Variants in SCFD1 observed in about 807,000 individuals in gnomAD.
The protein encoded by SCFD1 is sec1 family domain containing 1.
A neutral mutation model predicts 103.2 loss-of-function variants in SCFD1; 37 were observed. That is an observed-to-expected ratio of 0.36 (90% CI 0.28 to 0.47). The LOEUF is 0.47. Among genes scored for constraint, SCFD1 ranks in the 20% least tolerant of loss-of-function variants. The pLI is 1.00. For synonymous variants in SCFD1, 264 were observed against 245.0 expected (o/e 1.08, Z -0.73); for missense variants, 639 against 761.2 (o/e 0.84, Z 1.89).
At position 30,734,990 on chromosome 14, in the gene SCFD1, T is replaced by C. The variant is rs1331635659; in HGVS notation, c.1905+132T>C. 4 of 644,972 alleles carry C rather than the reference T, an allele frequency of 6.2e-6. No homozygotes were observed. The African/African-American group carries it at 7.3e-5, about 12-fold the overall frequency. 40.0% of individuals were successfully genotyped at this position (644,972 alleles called of 1,614,324 possible). Reference sequence around the variant, plus strand: ...CCAAAGCCATCCAGCTATACCAAGATAAGGTGTTTTCATGGACGACTAAGA... The same window carrying C: ...CCAAAGCCATCCAGCTATACCAAGACAAGGTGTTTTCATGGACGACTAAGA... On this transcript the variant is annotated intron_variant, in intron 24 of 24. Coordinates refer to ENST00000458591, the MANE Select transcript of SCFD1 (RefSeq NM_016106.4).
chr14:30,674,041 G>A, intron 13 of SCFD1, 44 bp downstream of exon 13: 3 of 1,458,826 alleles, frequency 2.1e-6, no homozygotes, highest in Admixed American at 3.9e-5. Context: ...CTGTTGATAG[G>A]ATTTTTTTTT....
At chr14:30,627,697 C>G (rs1472823694) in intron 1 of SCFD1, among the ~76,000 whole-genome samples, 1 of 145,500 alleles carries the variant, frequency 6.9e-6, no homozygotes, top group Non-Finnish European at 1.5e-5. Flanking sequence ...GAGCCGAGAT[C>G]ACGCCATTGC....
chr14:30,678,936 T>C (rs1307996124), intron 14 of SCFD1, among the ~76,000 whole-genome samples: 2 of 152,244 alleles, frequency 1.3e-5, no homozygotes, highest in African/African-American at 4.8e-5. Flanking sequence ...TAGGTGATGA[T>C]GTCTGTACTC....
chr14:30,633,292 A>C (rs571358332), intron 3 of SCFD1, among the ~76,000 whole-genome samples: 7 of 152,280 alleles, frequency 4.6e-5, no homozygotes, highest in Non-Finnish European at 1.0e-4. Context: ...TCATATAAGC[A>C]TGGTTTGATG....
At chr14:30,650,048 G>A (rs1886250072) in intron 8 of SCFD1, among the ~76,000 whole-genome samples, 1 of 152,102 alleles carries the variant, frequency 6.6e-6, no homozygotes. Context: ...AATGAGTAAG[G>A]GATTAGAGAA....
intron 1 of SCFD1, among the ~76,000 whole-genome samples, chr14:30,626,027 G>T (rs1460070139): frequency 1.3e-5 from 2 of 152,120 alleles, no homozygotes; most frequent in Non-Finnish European, 2.9e-5. Flanking sequence ...TGCCAGGGTG[G>T]TGGTGTCTTT....
chr14:30,675,371 C>T (rs978688654), intron 14 of SCFD1: 3 of 191,294 alleles, frequency 1.6e-5, no homozygotes, highest in Non-Finnish European at 3.2e-5. Flanking sequence ...ACTTGTATCT[C>T]AGCATCAGTA....
At chr14:30,642,164 T>C (rs938653944) in intron 6 of SCFD1, among the ~76,000 whole-genome samples, 2 of 152,144 alleles carry the variant, frequency 1.3e-5, no homozygotes, top group Admixed American at 1.3e-4. Context: ...CTCAGCTCAC[T>C]GCAACCTCTG....
chr14:30,630,773 T>G lies in SCFD1; in HGVS notation c.221+208T>G, dbSNP rs575200204. 6 of 495,028 alleles carry G rather than the reference T, an allele frequency of 1.2e-5. No homozygotes were observed. The South Asian group carries it at 1.5e-4, about 13-fold the overall frequency. 30.7% of individuals were successfully genotyped at this position (495,028 alleles called of 1,614,324 possible). On this transcript the variant is annotated intron_variant, in intron 3 of 24. Transcript: ENST00000458591. ...AATTTTCTGCCTTGTGGCTTTTCCT[T>G]AGATTTGGTTTACCCTCTATGTAAA...
intron 14 of SCFD1, among the ~76,000 whole-genome samples, chr14:30,692,508 C>T (rs536790999): frequency 6.6e-6 from 1 of 152,150 alleles, no homozygotes; most frequent in Admixed American, 6.5e-5. Context: ...AGAAGGTAGA[C>T]GTTGAATGAG....
chr14:30,719,814 A>G (rs936805118), intron 21 of SCFD1, among the ~76,000 whole-genome samples: 5 of 152,174 alleles, frequency 3.3e-5, no homozygotes, highest in Non-Finnish European at 7.3e-5. Flanking sequence ...CCTTGTGTCA[A>G]TGAAACATTC....
At chr14:30,670,115 T>G in intron 10 of SCFD1, 141 bp from the exon 11 acceptor site, 1 of 656,196 alleles carries the variant, frequency 1.5e-6, no homozygotes, top group Non-Finnish European at 2.6e-6. Context: ...AAATTACATT[T>G]GTATGTAACA....
At chr14:30,663,316 C>G (rs543888702) in intron 10 of SCFD1, among the ~76,000 whole-genome samples, 29 of 152,268 alleles carry the variant, frequency 1.9e-4, no homozygotes, top group African/African-American at 6.3e-4. Context: ...TAAAACTTAA[C>G]TGTTTAAAGA....
chr14:30,662,292 A>G (rs148750737), intron 10 of SCFD1, among the ~76,000 whole-genome samples: 22 of 152,276 alleles, frequency 1.4e-4, no homozygotes, highest in African/African-American at 5.3e-4. Context: ...GGATGAGACA[A>G]TATAGGTGTG....
intron 15 of SCFD1, among the ~76,000 whole-genome samples, chr14:30,699,839 G>A (rs1890956168): frequency 6.6e-6 from 1 of 152,042 alleles, no homozygotes; most frequent in South Asian, 2.1e-4. Flanking sequence ...CACCCCTTTT[G>A]CCACCTCAAA....
intron 22 of SCFD1, 48 bp downstream of exon 22, chr14:30,721,965 G>C: frequency 7.2e-7 from 1 of 1,387,284 alleles, no homozygotes; most frequent in East Asian, 2.3e-5. Flanking sequence ...GAAGATGAAA[G>C]GTGACCAATC....
At chr14:30,707,935 A>G (rs2139364665) in intron 18 of SCFD1, 55 bp from the exon 19 acceptor site, 2 of 1,148,976 alleles carry the variant, frequency 1.7e-6, no homozygotes, top group Non-Finnish European at 1.3e-6. Flanking sequence ...TATCGATAAC[A>G]GATTGGAGAG....
At chr14:30,733,600 A>G (rs1020653753) in intron 23 of SCFD1, among the ~76,000 whole-genome samples, 5 of 152,248 alleles carry the variant, frequency 3.3e-5, no homozygotes, top group Non-Finnish European at 7.3e-5. Context: ...ATGTTTAGCC[A>G]AACCTGAATG....
intron 1 of SCFD1, among the ~76,000 whole-genome samples, chr14:30,625,472 A>G (rs1883295189): frequency 6.6e-6 from 1 of 152,172 alleles, no homozygotes. Flanking sequence ...TAGAGCCAAT[A>G]AGAAAAATGG....
Sources: gnomAD v4.1 joint callset for allele counts (sites outside exome capture counted in the v4.1 genomes callset) on GRCh38, gnomAD v4.1.1 for gene constraint, MANE v1.5 for transcripts, NCBI Gene and HGNC (gene_info 2026-07-23, HGNC 2026-07-21) for gene names.